The following MCCC1 variants were observed in gnomAD, a reference collection of about 807,000 sequenced individuals.
The protein encoded by MCCC1 is methylcrotonyl-CoA carboxylase subunit 1.
In MCCC1, 64 loss-of-function variants were observed where a neutral mutation model predicts 83.8. That is an observed-to-expected ratio of 0.76 (90% confidence interval 0.62 to 0.94). The LOEUF (loss-of-function observed/expected upper bound fraction) is 0.94. Among genes scored for constraint, MCCC1 ranks in the 40% least tolerant of loss-of-function variants. MCCC1 has a pLI of 0.00. For missense variants in MCCC1, 807 were observed against 904.7 expected (o/e 0.89, Z 1.39); for synonymous variants, 322 against 315.4 (o/e 1.02, Z -0.22).
intron 4 of MCCC1, among the ~76,000 whole-genome samples, chr3:183,085,675 C>T (rs973149349): frequency 1.3e-5 from 2 of 151,742 alleles, no homozygotes; most frequent in African/African-American, 4.8e-5. Context: ...AATGATGCTA[C>T]CCCTACCTCT....
chr3:183,083,460 C>T (rs1435093359), intron 4 of MCCC1, among the ~76,000 whole-genome samples: 1 of 152,158 alleles, frequency 6.6e-6, no homozygotes, highest in Non-Finnish European at 1.5e-5. Flanking sequence ...CAAGCCACCC[C>T]AAATCTTCAA....
intron 13 of MCCC1, 40 bp from the exon 14 acceptor site, chr3:183,034,117 T>C (rs2108461992): frequency 7.4e-7 from 1 of 1,359,806 alleles, no homozygotes; most frequent in Non-Finnish European, 1.0e-6. Context: ...CTTATGAGTA[T>C]CAAGCCTATG....
In MCCC1 at chr3:183,034,029, G is replaced by A. The variant is rs754187797; in HGVS notation, c.1643C>T (p.Ser548Leu). ...TTTAAGAGTCATGTTTCTGGTATAC[G>A]AGATATTCAGTCTTCTTCCACTGCT... ...SSSSGRRLNI[S>L]YTRNMTLKDG... Residue 548 changes from serine (S) to leucine (L), a missense_variant, in exon 14 of 19, where the codon TCG (serine) becomes TTG (leucine). Physicochemically the swap from Ser to Leu is moderately radical, Grantham distance 145. Transcript: ENST00000265594. The A allele has an allele frequency of 2.0e-5, 32 of 1,611,520 alleles. No individual in the cohort carries two copies. The highest frequency in any genetic ancestry group is 9.4e-5 in the African/African-American group (7 of 74,750).
Position 183,099,478 on chromosome 3 carries a change from A to G in MCCC1, c.-38T>C, listed in dbSNP as rs1215001408. On this transcript the variant is annotated 5_prime_UTR_variant, in exon 1 of 19. Transcript: ENST00000265594. Reference sequence around the variant, plus strand: ...CGGCCACTCCGTGACTCCCCAGTACAGAGGCAGCTGCGTCCCACACGCCAA... The same window carrying G: ...CGGCCACTCCGTGACTCCCCAGTACGGAGGCAGCTGCGTCCCACACGCCAA... 1 of 1,575,226 alleles carries G rather than the reference A, an allele frequency of 6.3e-7. No homozygotes were observed.
intron 15 of MCCC1, among the ~76,000 whole-genome samples, chr3:183,024,269 A>G (rs1186600573): frequency 6.6e-6 from 1 of 152,158 alleles, no homozygotes; most frequent in African/African-American, 2.4e-5. Flanking sequence ...AAAAAAGAAA[A>G]AAAGATTAAG....
At chr3:183,020,286 A>G in intron 16 of MCCC1, 49 bp from the exon 17 acceptor site, 5 of 1,346,982 alleles carry the variant, frequency 3.7e-6, no homozygotes, top group Non-Finnish European at 5.3e-6. Context: ...CTATCACTAT[A>G]TTTTTACTAA....
intron 15 of MCCC1, among the ~76,000 whole-genome samples, chr3:183,023,157 C>T (rs1341493450): frequency 6.6e-6 from 1 of 152,172 alleles, no homozygotes; most frequent in Admixed American, 6.6e-5. Flanking sequence ...TTCAAGGAAG[C>T]TGATAAAAGG....
chr3:183,106,707 G>T (rs1178876770), intron 1 of MCCC1, among the ~76,000 whole-genome samples: 1 of 152,018 alleles, frequency 6.6e-6, no homozygotes, highest in African/African-American at 2.4e-5. Flanking sequence ...GTGTCGGCCA[G>T]GCTGATCTCA....
At chr3:183,017,074 C>T (rs1474821440) in intron 18 of MCCC1, 192 bp downstream of exon 18, 1 of 602,294 alleles carries the variant, frequency 1.7e-6, no homozygotes, top group African/African-American at 1.8e-5. Context: ...ATGACAGGTG[C>T]AATTTCACAA....
At chr3:183,079,628 T>C (rs1214062382) in intron 4 of MCCC1, among the ~76,000 whole-genome samples, 1 of 152,160 alleles carries the variant, frequency 6.6e-6, no homozygotes, top group Non-Finnish European at 1.5e-5. Context: ...TGTTGGTGGA[T>C]CTACCATTCT....
chr3:183,075,880 A>G (rs1361753513), intron 4 of MCCC1, among the ~76,000 whole-genome samples: 6 of 152,010 alleles, frequency 3.9e-5, no homozygotes, highest in Admixed American at 1.3e-4. Flanking sequence ...TTTCTCTTGC[A>G]CATCTGTTTA....
upstream of MCCC1, among the ~76,000 whole-genome samples, chr3:183,104,033 A>T (rs6443852): frequency 6.6e-6 from 1 of 152,120 alleles, no homozygotes. Flanking sequence ...CCGGCCGGCT[A>T]CTCCGAGTGC....
At chr3:183,024,840 C>T (rs1370769287) in intron 15 of MCCC1, among the ~76,000 whole-genome samples, 2 of 151,836 alleles carry the variant, frequency 1.3e-5, no homozygotes, top group Non-Finnish European at 2.9e-5. Flanking sequence ...ATTTGTACAC[C>T]CCTGTTCATA....
intron 9 of MCCC1, among the ~76,000 whole-genome samples, chr3:183,051,777 G>T (rs1399391689): frequency 7.1e-6 from 1 of 141,698 alleles, no homozygotes; most frequent in African/African-American, 2.6e-5. Context: ...GTATCCGAGT[G>T]GGGGACAGGG....
At chr3:183,063,384 C>T (rs750111915) in intron 7 of MCCC1, among the ~76,000 whole-genome samples, 1 of 152,110 alleles carries the variant, frequency 6.6e-6, no homozygotes, top group Non-Finnish European at 1.5e-5. Context: ...AAGGTGGTTT[C>T]TTATCCCAGT....
At chr3:183,111,414 C>G (rs1335027928) in intron 1 of MCCC1, among the ~76,000 whole-genome samples, 1 of 152,182 alleles carries the variant, frequency 6.6e-6, no homozygotes, top group Admixed American at 6.5e-5. Flanking sequence ...ATTCTCCTGC[C>G]TCAGCCTCCC....
At position 183,015,464 on chromosome 3, in the gene MCCC1, C is replaced by A; in HGVS notation, c.2152G>T (p.Glu718Ter). Reference sequence around the variant, plus strand: ...TATTCCGATTCCCTTTTGTCTGATTCTTCCTCCTCAAACTCGACTAAAGGA... The same window carrying A: ...TATTCCGATTCCCTTTTGTCTGATTATTCCTCCTCAAACTCGACTAAAGGA... ...HTPLVEFEEE[E>*]SDKRESE is the part of the protein sequence containing the mutation. Residue 718 changes from glutamate to a stop codon, truncating the protein, a stop_gained, in exon 19 of 19, where the codon GAA becomes TAA. Transcript: ENST00000265594. LOFTEE classifies it low-confidence loss of function (END_TRUNC). 1 of 1,614,162 alleles carries A rather than the reference C, an allele frequency of 6.2e-7. No homozygotes were observed. Among genetic ancestry groups the A allele is most frequent in the Non-Finnish European group, 8.5e-7 (1 of 1,180,020 alleles).
At chr3:183,034,367 C>T (rs1353355075) in intron 13 of MCCC1, among the ~76,000 whole-genome samples, 2 of 145,132 alleles carry the variant, frequency 1.4e-5, no homozygotes, top group African/African-American at 2.5e-5. Context: ...AGGAGAATGG[C>T]GTGAATCCGG....
upstream of MCCC1, among the ~76,000 whole-genome samples, chr3:183,102,849 T>A (rs988737063): frequency 1.5e-5 from 2 of 135,898 alleles, no homozygotes; most frequent in Non-Finnish European, 3.1e-5. Context: ...TGCAATGGCA[T>A]GATCTCGGCT....
Sources: gnomAD v4.1 joint callset for allele counts (sites outside exome capture counted in the v4.1 genomes callset) on GRCh38, gnomAD v4.1.1 for gene constraint, MANE v1.5 for transcripts, NCBI Gene and HGNC (gene_info 2026-07-23, HGNC 2026-07-21) for gene names.